The following SEPTIN14 variants were observed in gnomAD, a reference collection of about 807,000 sequenced individuals.
The protein encoded by SEPTIN14 is septin 14.
In SEPTIN14, 40 loss-of-function variants were observed where a neutral mutation model predicts 53.6. The ratio of observed to expected loss-of-function variants is 0.75; its 90% CI spans 0.58 to 0.97. SEPTIN14 has a LOEUF of 0.97. Ranked by LOEUF, SEPTIN14 falls within the 50% of genes least tolerant of loss-of-function variation. The pLI, the probability that SEPTIN14 is intolerant of heterozygous loss-of-function variation, is 0.00. For synonymous variants in SEPTIN14, 138 were observed against 166.8 expected (o/e 0.83, Z 1.33); for missense variants, 471 against 508.2 (o/e 0.93, Z 0.70).
intron 9 of SEPTIN14, among the ~76,000 whole-genome samples, chr7:55,803,973 A>C (rs927781096): frequency 4.7e-5 from 7 of 150,532 alleles, no homozygotes; most frequent in African/African-American, 1.7e-4. Flanking sequence ...AAATACAAAA[A>C]AAAAAAAAAA....
intron 2 of SEPTIN14, among the ~76,000 whole-genome samples, chr7:55,857,876 C>T (rs956169310): frequency 6.6e-6 from 1 of 151,022 alleles, no homozygotes; most frequent in Non-Finnish European, 1.5e-5. Context: ...CGCGAGCCAC[C>T]GCGCCCGGCC....
At chr7:55,825,304 G>C (rs1446197786) in intron 6 of SEPTIN14, among the ~76,000 whole-genome samples, 1 of 152,144 alleles carries the variant, frequency 6.6e-6, no homozygotes, top group African/African-American at 2.4e-5. Context: ...AAATTACGGA[G>C]AGTAAAAAGA....
At chr7:55,820,523 G>A (rs1788873717) in intron 6 of SEPTIN14, among the ~76,000 whole-genome samples, 3 of 152,182 alleles carry the variant, frequency 2.0e-5, no homozygotes, top group Admixed American at 2.0e-4. Context: ...AGCCTTAATA[G>A]AAGTGTCATT....
intron 3 of SEPTIN14, 144 bp from the exon 4 acceptor site, chr7:55,844,862 G>A (rs1335950727): frequency 4.8e-6 from 2 of 418,846 alleles, no homozygotes; most frequent in African/African-American, 2.0e-5. Flanking sequence ...CAGAGGCTGG[G>A]GGAGCAGGAG....
rs371029699 is a variant in SEPTIN14 at position 55,849,273 on chromosome 7, T to C, written c.55-2636A>G. 4.0e-5 allele frequency among the ~76,000 whole-genome samples: 6 copies of C among 150,134 alleles called. No homozygotes were observed. In the East Asian group the frequency reaches 1.0e-3, roughly 26 times the overall value. On this transcript the variant is annotated intron_variant, in intron 2 of 9. Coordinates refer to ENST00000388975, the MANE Select transcript of SEPTIN14 (RefSeq NM_207366.3). Reference sequence around the variant, plus strand: ...CAGGGAGGCAGAGGTTGCAGTGAACTGAAATCGGACCACTGCATTCCAGCC... The same window carrying C: ...CAGGGAGGCAGAGGTTGCAGTGAACCGAAATCGGACCACTGCATTCCAGCC...
rs1316899421 is a variant in SEPTIN14 at position 55,838,529 on chromosome 7, CT to C, written c.559-3944del. Among the ~76,000 whole-genome samples, 11 of 110,214 alleles carry C rather than the reference CT, an allele frequency of 1.0e-4. No individual in the cohort carries two copies. The South Asian group carries it at 3.9e-3, about 39-fold the overall frequency. The allele number at this position is 110,214 out of a possible 152,430, so 72.3% of individuals were successfully genotyped here. A position where few individuals can be genotyped will look rare whatever the true frequency, so the allele number is the denominator to read the frequency against. ...CCTTCCCTCCCTCCCTCCCTCCCCCCTCCCTTCCTCCCTCCCTTCCTTCCTT... is the reference window on the plus strand; with the variant it reads ...CCTTCCCTCCCTCCCTCCCTCCCCCCCCCTTCCTCCCTCCCTTCCTTCCTT... On this transcript the variant is annotated intron_variant, in intron 5 of 9. Coordinates refer to ENST00000388975, the MANE Select transcript of SEPTIN14 (RefSeq NM_207366.3).
intron 7 of SEPTIN14, among the ~76,000 whole-genome samples, chr7:55,815,433 A>T (rs899148683): frequency 7.9e-5 from 12 of 152,202 alleles, no homozygotes; most frequent in Non-Finnish European, 1.6e-4. Context: ...TAGGAAAAAA[A>T]TCTAATAATT....
chr7:55,833,157 A>T (rs904536084), intron 6 of SEPTIN14, among the ~76,000 whole-genome samples: 2 of 151,998 alleles, frequency 1.3e-5, no homozygotes, highest in African/African-American at 4.8e-5. Flanking sequence ...TACTAAAAAT[A>T]CAAACAAATT....
intron 5 of SEPTIN14, among the ~76,000 whole-genome samples, chr7:55,839,121 C>T (rs1256157831): frequency 6.6e-6 from 1 of 152,146 alleles, no homozygotes; most frequent in Non-Finnish European, 1.5e-5. Context: ...GGCGTGGTGG[C>T]TCACACTTGT....
intron 2 of SEPTIN14, among the ~76,000 whole-genome samples, chr7:55,858,659 T>C (rs144524940): frequency 0.014 from 2,054 of 152,078 alleles, 38 homozygotes; most frequent in African/African-American, 0.041. Flanking sequence ...ACAAAATTAG[T>C]CGGGCGTGGT....
intron 6 of SEPTIN14, 148 bp downstream of exon 6, chr7:55,834,277 G>A (rs890077677): frequency 1.1e-5 from 6 of 538,648 alleles, no homozygotes; most frequent in African/African-American, 7.8e-5. Context: ...GGAACATGCT[G>A]TATGAATTAA....
intron 5 of SEPTIN14, among the ~76,000 whole-genome samples, chr7:55,835,006 A>G (rs1789179918): frequency 6.6e-6 from 1 of 152,156 alleles, no homozygotes; most frequent in Non-Finnish European, 1.5e-5. Context: ...TAACTAGGTA[A>G]TCACTGGCTG....
chr7:55,853,990 A>G (rs536076334), intron 2 of SEPTIN14, among the ~76,000 whole-genome samples: 6 of 152,156 alleles, frequency 3.9e-5, no homozygotes, highest in African/African-American at 1.4e-4. Context: ...GTATGGTGGT[A>G]CATGCTCGTC....
chr7:55,798,745 G>A, intron 9 of SEPTIN14: 1 of 209,944 alleles, frequency 4.8e-6, no homozygotes, highest in Non-Finnish European at 9.9e-6. Context: ...ACACTCTGGG[G>A]CCCAATGAGA....
At chr7:55,849,057 G>T (rs115706852) in intron 2 of SEPTIN14, among the ~76,000 whole-genome samples, 1 of 152,102 alleles carries the variant, frequency 6.6e-6, no homozygotes, top group Admixed American at 6.6e-5. Flanking sequence ...AGGCACGTTG[G>T]CTCACGCCTG....
intron 5 of SEPTIN14, among the ~76,000 whole-genome samples, chr7:55,841,494 C>A (rs1184626422): frequency 6.6e-6 from 1 of 151,404 alleles, no homozygotes; most frequent in Non-Finnish European, 1.5e-5. Flanking sequence ...CTGAGGCGGG[C>A]AGATCACTCG....
intron 9 of SEPTIN14, 141 bp downstream of exon 9, chr7:55,805,117 A>C (rs1217031903): frequency 4.6e-6 from 3 of 646,480 alleles, no homozygotes. Context: ...GGCTATATTC[A>C]AGTCTACATG....
intron 6 of SEPTIN14, among the ~76,000 whole-genome samples, chr7:55,823,614 C>T (rs76953137): frequency 0.014 from 2,131 of 152,212 alleles, 39 homozygotes; most frequent in African/African-American, 0.04. Flanking sequence ...GCAGGTAGCG[C>T]GCCCAAGCAA....
chr7:55,835,330 G>A (rs1213915610), intron 5 of SEPTIN14, among the ~76,000 whole-genome samples: 5 of 151,738 alleles, frequency 3.3e-5, no homozygotes, highest in Non-Finnish European at 7.4e-5. Flanking sequence ...AGCCTCCCGA[G>A]TAGCTGGGAC....
Sources: allele counts gnomAD v4.1 joint callset (sites outside exome capture counted in the v4.1 genomes callset), GRCh38; gene constraint gnomAD v4.1.1; transcripts MANE v1.5; gene names NCBI Gene and HGNC (gene_info 2026-07-23, HGNC 2026-07-21).